DNAH11: variants seen among roughly 807,000 people sequenced by gnomAD.
DNAH11 encodes dynein axonemal heavy chain 11, also known as axonemal beta dynein heavy chain 11.
Under a neutral mutation model 526.0 loss-of-function variants are expected in DNAH11, and 442 were observed. That is an observed-to-expected ratio of 0.84 (90% CI 0.78 to 0.91). The LOEUF (loss-of-function observed/expected upper bound fraction) is 0.91, where lower values mean the gene tolerates loss of function less well. Ranked by LOEUF, DNAH11 falls within the 40% of genes least tolerant of loss-of-function variation. The probability of loss-of-function intolerance (pLI) is 0.00; values close to 1 mark genes in which losing one functional copy is unlikely to be tolerated. For missense variants in DNAH11, 6,989 were observed against 5,448.7 expected (o/e 1.28, Z -8.90); for synonymous variants, 2,461 against 1,935.9 (o/e 1.27, Z -7.12).
intron 30 of DNAH11, among the ~76,000 whole-genome samples, chr7:21,673,958 A>T (rs1782748107): frequency 6.7e-6 from 1 of 149,936 alleles, no homozygotes; most frequent in East Asian, 2.0e-4. Flanking sequence ...GCTGCTGTTT[A>T]CTTCACCTGG....
In DNAH11 at chr7:21,744,554, T is replaced by G; in HGVS notation, c.8271T>G (p.Asp2757Glu). 2 of 1,613,618 alleles carry G rather than the reference T, an allele frequency of 1.2e-6. No homozygotes were observed. Among genetic ancestry groups the G allele is most frequent in the Non-Finnish European group, 1.7e-6 (2 of 1,179,790 alleles). The change falls in exon 50 of 82, where the codon GAT becomes GAG. Residue 2757 changes from aspartate to glutamate, a missense_variant. Coordinates refer to ENST00000409508, the MANE Select transcript of DNAH11 (RefSeq NM_001277115.2). ...AACTGATAGACAAAAAAGATTGTGA[T>G]TTGTTTCAGAGAAGAATGCTGGAAA... Reference protein sequence around the residue: ...GDKLIDKKDCDLFQRRMLETA... With the variant: ...GDKLIDKKDCELFQRRMLETA...
intron 70 of DNAH11, among the ~76,000 whole-genome samples, chr7:21,865,016 G>A (rs78250171): frequency 2.6e-4 from 40 of 151,888 alleles, no homozygotes; most frequent in African/African-American, 8.7e-4. Flanking sequence ...TTTTTAAATC[G>A]TTTCACCATT....
chr7:21,797,288 C>G (rs772363197), intron 61 of DNAH11, among the ~76,000 whole-genome samples: 20 of 148,230 alleles, frequency 1.3e-4, no homozygotes, highest in Middle Eastern at 6.9e-3. Flanking sequence ...GGTGCGTTCT[C>G]AGCTCATTAC....
At chr7:21,761,893 C>A (rs1482689490) in intron 54 of DNAH11, among the ~76,000 whole-genome samples, 1 of 152,058 alleles carries the variant, frequency 6.6e-6, no homozygotes, top group Admixed American at 6.5e-5. Flanking sequence ...TAAAGAAATG[C>A]CCGAGACTGG....
At chr7:21,872,260 G>A (rs758287217) in intron 73 of DNAH11, among the ~76,000 whole-genome samples, 18 of 151,766 alleles carry the variant, frequency 1.2e-4, no homozygotes, top group Non-Finnish European at 1.8e-4. Flanking sequence ...GAATTTGGGG[G>A]TGCATAATTC....
chr7:21,886,219 GAAGT>G (rs748526872), intron 76 of DNAH11, among the ~76,000 whole-genome samples: 62 of 152,088 alleles, frequency 4.1e-4, no homozygotes, highest in African/African-American at 1.3e-3. Context: ...TTCATTTTGA[GAAGT>G]AATATAATCA....
chr7:21,812,001 C>T (rs904094917), intron 63 of DNAH11, among the ~76,000 whole-genome samples: 1 of 152,064 alleles, frequency 6.6e-6, no homozygotes, highest in Non-Finnish European at 1.5e-5. Context: ...TATCGGAAGC[C>T]AGGGATGGGG....
chr7:21,890,064 A>G (rs899479414), intron 76 of DNAH11, among the ~76,000 whole-genome samples: 3 of 152,248 alleles, frequency 2.0e-5, no homozygotes, highest in South Asian at 2.1e-4. Context: ...CAAAACTTAC[A>G]TAAGAGCCTG....
At chr7:21,592,093 G>A (rs966089186) in intron 14 of DNAH11, among the ~76,000 whole-genome samples, 1 of 152,024 alleles carries the variant, frequency 6.6e-6, no homozygotes, top group Non-Finnish European at 1.5e-5. Flanking sequence ...AAAGGCAGAA[G>A]GCAGGAAAAT....
At chr7:21,712,684 A>T (rs1164667849) in intron 42 of DNAH11, among the ~76,000 whole-genome samples, 2 of 152,186 alleles carry the variant, frequency 1.3e-5, no homozygotes, top group Non-Finnish European at 2.9e-5. Context: ...AAAAATGTTC[A>T]TGTAAGTTCT....
intron 5 of DNAH11, among the ~76,000 whole-genome samples, chr7:21,562,422 T>C (rs1185570250): frequency 1.3e-5 from 2 of 152,196 alleles, no homozygotes; most frequent in African/African-American, 4.8e-5. Context: ...ATGTAGTAAG[T>C]ATGCTTCAAT....
Position 21,900,089 on chromosome 7 carries a change from A to C in DNAH11, c.13272A>C (p.Glu4424Asp), listed in dbSNP as rs756254943. ...TKEDYGHPPR[E>D]GAYLHGLFME... ...AAGATTATGGACACCCGCCAAGGGA[A>C]GGTGCATACCTCCACGGACTCTTCA... is the stretch of plus-strand genomic sequence containing the variant. Residue 4424 changes from glutamate to aspartate, a missense_variant, in exon 81 of 82, where the codon GAA becomes GAC. By Grantham distance (45) the Glu-to-Asp change is conservative (BLOSUM62 2). Coordinates refer to ENST00000409508, the MANE Select transcript of DNAH11 (RefSeq NM_001277115.2). The C allele has an allele frequency of 3.2e-5, 51 of 1,613,946 alleles. No homozygotes were observed. The highest frequency in any genetic ancestry group is 3.9e-5 in the Non-Finnish European group (46 of 1,179,832).
intron 30 of DNAH11, among the ~76,000 whole-genome samples, chr7:21,678,483 A>T (rs1782997208): frequency 6.6e-6 from 1 of 152,036 alleles, no homozygotes; most frequent in African/African-American, 2.4e-5. Context: ...AAATCAAGAG[A>T]TGTGATGCCT....
chr7:21,846,604 A>G (rs1782430787), intron 66 of DNAH11, among the ~76,000 whole-genome samples: 1 of 151,988 alleles, frequency 6.6e-6, no homozygotes, highest in Non-Finnish European at 1.5e-5. Context: ...GTTGGATTTG[A>G]TTTGCTAATT....
intron 63 of DNAH11, among the ~76,000 whole-genome samples, chr7:21,809,325 G>A (rs764550303): frequency 1.3e-5 from 2 of 152,062 alleles, no homozygotes; most frequent in Non-Finnish European, 2.9e-5. Context: ...ATTTTCTTCT[G>A]TTCTGTAGAT....
rs1554288665 is a variant in DNAH11 at position 21,852,423 on chromosome 7, A to AG, written c.10897-43dup. ...CTTCCTCTAAAAAAAAAAAAAAAAA[A>AG]GTACTTAACCACCATTTCCCACACT... is the stretch of plus-strand genomic sequence containing the variant. On this transcript the variant is annotated intron_variant, in intron 66 of 81. Coordinates refer to ENST00000409508, the MANE Select transcript of DNAH11 (RefSeq NM_001277115.2). The AG allele has an allele frequency of 3.6e-5, 56 of 1,541,712 alleles. No homozygotes were observed. In the South Asian group the frequency reaches 5.9e-4, roughly 16 times the overall value.
chr7:21,725,909 C>A lies in DNAH11; in HGVS notation c.7365C>A (p.Asp2455Glu). 2 of 1,588,830 alleles carry A rather than the reference C, an allele frequency of 1.3e-6. No homozygotes were observed. The highest frequency in any genetic ancestry group is 1.7e-6 in the Non-Finnish European group (2 of 1,166,540). Reference protein sequence around the residue: ...SQGTIFDYYVDHKTKKLLPWA... With the variant: ...SQGTIFDYYVEHKTKKLLPWA... ...GAACAATCTTTGATTATTATGTGGACCACAAAACTAAGAAATTATTGCCCT... is the reference window on the plus strand; with the variant it reads ...GAACAATCTTTGATTATTATGTGGAACACAAAACTAAGAAATTATTGCCCT... Residue 2455 changes from aspartate (D) to glutamate (E), a missense_variant, in exon 45 of 82, where the codon GAC becomes GAA. Coordinates refer to ENST00000409508, the MANE Select transcript of DNAH11 (RefSeq NM_001277115.2).
chr7:21,621,872 G>C (rs1009093237), intron 25 of DNAH11, among the ~76,000 whole-genome samples: 3 of 151,994 alleles, frequency 2.0e-5, no homozygotes, highest in Admixed American at 1.3e-4. Flanking sequence ...ATACTGAATG[G>C]GCGAAAACTG....
intron 44 of DNAH11, among the ~76,000 whole-genome samples, chr7:21,722,938 T>G (rs1193948186): frequency 1.3e-5 from 2 of 152,192 alleles, no homozygotes; most frequent in African/African-American, 4.8e-5. Flanking sequence ...GCTGACCCTC[T>G]TTTAATCTTT....
Sources: allele counts gnomAD v4.1 joint callset (sites outside exome capture counted in the v4.1 genomes callset), GRCh38; gene constraint gnomAD v4.1.1; transcripts MANE v1.5; gene names NCBI Gene and HGNC (gene_info 2026-07-23, HGNC 2026-07-21).